The following MSH4 variants were observed in gnomAD, a reference collection of about 807,000 sequenced individuals.
MSH4 encodes the protein mutS protein homolog 4.
A neutral mutation model predicts 113.7 loss-of-function variants in MSH4; 106 were observed. The observed-to-expected ratio is 0.93, with a 90% CI of 0.80 to 1.10. The LOEUF (loss-of-function observed/expected upper bound fraction) is 1.10, where lower values mean the gene tolerates loss of function less well. MSH4 is among the 50% of genes least tolerant of loss of function. The pLI, the probability that MSH4 is intolerant of heterozygous loss-of-function variation, is 0.00. For missense variants in MSH4, 1,061 were observed against 1,093.7 expected (o/e 0.97, Z 0.42); for synonymous variants, 368 against 380.2 (o/e 0.97, Z 0.37).
intron 19 of MSH4, among the ~76,000 whole-genome samples, chr1:75,900,262 G>T (rs1346600650): frequency 6.6e-6 from 1 of 151,912 alleles, no homozygotes; most frequent in East Asian, 1.9e-4. Flanking sequence ...GGAAAATTTT[G>T]GTTGCTTTAT....
At chr1:75,855,609 G>A (rs1286609331) in intron 8 of MSH4, among the ~76,000 whole-genome samples, 8 of 152,122 alleles carry the variant, frequency 5.3e-5, no homozygotes, top group South Asian at 4.2e-4. Context: ...GTGTTTCCAC[G>A]TGTTCACAAC....
At chr1:75,829,894 G>A (rs978557588) in intron 7 of MSH4, among the ~76,000 whole-genome samples, 4 of 152,112 alleles carry the variant, frequency 2.6e-5, no homozygotes, top group Admixed American at 1.3e-4. Context: ...TCCTCCAAAG[G>A]AACGCAGCTC....
chr1:75,880,672 T>C (rs955707818), intron 13 of MSH4, among the ~76,000 whole-genome samples: 1 of 152,050 alleles, frequency 6.6e-6, no homozygotes, highest in Non-Finnish European at 1.5e-5. Context: ...ATAGTAAGTT[T>C]TGGGTACATA....
At chr1:75,831,459 C>T (rs1448667880) in intron 7 of MSH4, among the ~76,000 whole-genome samples, 2 of 152,152 alleles carry the variant, frequency 1.3e-5, no homozygotes, top group African/African-American at 4.8e-5. Flanking sequence ...ACAGAACTCT[C>T]CACCCCAAAG....
chr1:75,839,830 C>T (rs1176927886), intron 7 of MSH4, among the ~76,000 whole-genome samples: 3 of 147,198 alleles, frequency 2.0e-5, no homozygotes, highest in African/African-American at 7.5e-5. Context: ...AAGAAAAAAA[C>T]AAACAACCCC....
chr1:75,812,637 C>T lies in MSH4; in HGVS notation c.699+1830C>T, dbSNP rs370135414. 2.6e-5 allele frequency among the ~76,000 whole-genome samples: 4 copies of T among 151,992 alleles called. No individual in the cohort carries two copies. The East Asian group carries it at 7.7e-4, about 29-fold the overall frequency. On this transcript the variant is annotated intron_variant, in intron 4 of 19. Transcript: ENST00000263187. Reference sequence around the variant, plus strand: ...TGAACCTGGGAGGCAGAGGTTGCAGCGAGCCGAGATTGTGCCATTGCACTG... The same window carrying T: ...TGAACCTGGGAGGCAGAGGTTGCAGTGAGCCGAGATTGTGCCATTGCACTG...
intron 8 of MSH4, among the ~76,000 whole-genome samples, chr1:75,856,216 GA>G (rs34524611): frequency 4.0e-5 from 6 of 151,090 alleles, no homozygotes; most frequent in African/African-American, 1.2e-4. Flanking sequence ...TTTCTGTTCA[GA>G]AAAAAAAATT....
intron 8 of MSH4, among the ~76,000 whole-genome samples, chr1:75,848,601 G>A (rs926501826): frequency 1.3e-5 from 2 of 152,110 alleles, no homozygotes; most frequent in Admixed American, 6.5e-5. Context: ...AGCTGGGCAT[G>A]CTGTTGCATG....
intron 7 of MSH4, among the ~76,000 whole-genome samples, chr1:75,843,953 A>G (rs1210142353): frequency 2.0e-5 from 3 of 152,100 alleles, no homozygotes; most frequent in Admixed American, 2.0e-4. Context: ...CGGGGATTAC[A>G]GGCATGCACC....
Position 75,912,764 on chromosome 1 carries a change from T to C in MSH4, c.2688T>C (p.Val896=). ...RAVYHLATRL[V]QTARNSQLDP... is the part of the protein sequence containing the mutation. ...TGTACCATCTAGCCACTAGGCTTGT[T>C]CAAACTGCTCGAAACTCTCAATTGG... is the stretch of plus-strand genomic sequence containing the variant. The change falls in exon 20 of 20, where the codon GTT becomes GTC. Residue 896 remains valine (V), a synonymous_variant. Coordinates refer to ENST00000263187, the MANE Select transcript of MSH4 (RefSeq NM_002440.4). The C allele has an allele frequency of 6.3e-7, 1 of 1,595,704 alleles. No homozygotes were observed. The highest frequency in any genetic ancestry group is 8.5e-7 in the Non-Finnish European group (1 of 1,171,768).
chr1:75,906,522 T>TAC (rs1160008171), intron 19 of MSH4, among the ~76,000 whole-genome samples: 2 of 21,832 alleles, frequency 9.2e-5, no homozygotes, highest in African/African-American at 1.7e-4. Flanking sequence ...ATAATATGTA[T>TAC]ATATTATATA....
intron 12 of MSH4, 55 bp from the exon 13 acceptor site, chr1:75,879,995 A>G (rs1651895744): frequency 6.0e-6 from 5 of 836,328 alleles, no homozygotes; most frequent in African/African-American, 1.7e-5. Context: ...TTAAAATCTT[A>G]CATTTCATAG....
Position 75,912,745 on chromosome 1 carries a change from A to C in MSH4, c.2669A>C (p.His890Pro). ...ATGGAAAGACAGAGAGCTGTGTACC[A>C]TCTAGCCACTAGGCTTGTTCAAACT... ...PEMERQRAVY[H>P]LATRLVQTAR... is the part of the protein sequence containing the mutation. The change falls in exon 20 of 20, where the codon CAT becomes CCT. Residue 890 changes from histidine to proline, a missense_variant. Transcript: ENST00000263187. 6.3e-7 allele frequency: 1 copy of C among 1,587,966 alleles called. No individual in the cohort carries two copies.
At chr1:75,826,258 G>T (rs1190039500) in intron 7 of MSH4, among the ~76,000 whole-genome samples, 3 of 151,972 alleles carry the variant, frequency 2.0e-5, no homozygotes, top group African/African-American at 7.3e-5. Flanking sequence ...GTGTAGAGGT[G>T]TTTATAGTAT....
At chr1:75,875,658 C>G (rs2100568128) in intron 9 of MSH4, among the ~76,000 whole-genome samples, 1 of 152,232 alleles carries the variant, frequency 6.6e-6, no homozygotes, top group South Asian at 2.1e-4. Flanking sequence ...ACAGTAACCT[C>G]TTAATCAAAA....
rs187143006 is a variant in MSH4, at chr1:75,905,655, C to G, written c.2619+5949C>G. ...TTACTGAGAATGGAATGTTGAAGAC[C>G]CCTACTAGTATTGTATTGCAGTCTA... On this transcript the variant is annotated intron_variant, in intron 19 of 19. Coordinates refer to ENST00000263187, the MANE Select transcript of MSH4 (RefSeq NM_002440.4). 7.8e-4 allele frequency among the ~76,000 whole-genome samples: 119 copies of G among 152,034 alleles called. 1 individual carries two copies. The highest frequency in any genetic ancestry group is 3.3e-3 in the Admixed American group (50 of 15,266).
intron 7 of MSH4, among the ~76,000 whole-genome samples, chr1:75,833,381 G>T (rs11803595): frequency 6.6e-6 from 1 of 152,118 alleles, no homozygotes; most frequent in Non-Finnish European, 1.5e-5. Flanking sequence ...TATATATTCA[G>T]TGCCATCCCC....
chr1:75,803,647 T>A lies in MSH4; in HGVS notation c.245-84T>A, dbSNP rs997288182. 12 of 1,017,628 alleles carry A rather than the reference T, an allele frequency of 1.2e-5. No individual in the cohort carries two copies. In the African/African-American group the frequency reaches 2.0e-4, roughly 17 times the overall value. 63.0% of individuals were successfully genotyped at this position (1,017,628 alleles called of 1,614,324 possible). A position where few individuals can be genotyped will look rare whatever the true frequency, so the allele number is the denominator to read the frequency against. Reference sequence around the variant, plus strand: ...AAGAAAAAAAGAAAAAAAAGGAAAGTGAACATGGTATAAATTATAATGACT... The same window carrying A: ...AAGAAAAAAAGAAAAAAAAGGAAAGAGAACATGGTATAAATTATAATGACT... On this transcript the variant is annotated intron_variant, in intron 1 of 19. Coordinates refer to ENST00000263187, the MANE Select transcript of MSH4 (RefSeq NM_002440.4).
Position 75,850,782 on chromosome 1 carries a change from A to G in MSH4, c.1230+2506A>G, listed in dbSNP as rs572912203. On this transcript the variant is annotated intron_variant, in intron 8 of 19. Transcript: ENST00000263187. Reference sequence around the variant, plus strand: ...ATCAGTTATTAAGAAAGGAGTGTCAAAATCTCCAAATGTAATTGTGGATTT... The same window carrying G: ...ATCAGTTATTAAGAAAGGAGTGTCAGAATCTCCAAATGTAATTGTGGATTT... Among the ~76,000 whole-genome samples, 8 of 152,250 alleles carry G rather than the reference A, an allele frequency of 5.3e-5. No homozygotes were observed. The East Asian group carries it at 1.2e-3, about 22-fold the overall frequency.
Sources: allele counts gnomAD v4.1 joint callset (sites outside exome capture counted in the v4.1 genomes callset), GRCh38; gene constraint gnomAD v4.1.1; transcripts MANE v1.5; gene names NCBI Gene and HGNC (gene_info 2026-07-23, HGNC 2026-07-21).